Variants in ATP6V0A1 observed in about 807,000 individuals in gnomAD.
The protein encoded by ATP6V0A1 is V-type proton ATPase 116 kDa subunit a 1.
In ATP6V0A1, 43 loss-of-function variants were observed where a neutral mutation model predicts 105.4. The ratio of observed to expected loss-of-function variants is 0.41; its 90% CI spans 0.32 to 0.53. ATP6V0A1 has a LOEUF of 0.53. Ranked by LOEUF, ATP6V0A1 falls within the 20% of genes least tolerant of loss-of-function variation. The pLI, the probability that ATP6V0A1 is intolerant of heterozygous loss-of-function variation, is 0.30. For missense variants in ATP6V0A1, 676 were observed against 1,051.1 expected (o/e 0.64, Z 4.93); for synonymous variants, 362 against 372.8 (o/e 0.97, Z 0.33).
chr17:42,460,713 C>T, intron 1 of ATP6V0A1, 135 bp from the exon 2 acceptor site: 1 of 537,188 alleles, frequency 1.9e-6, no homozygotes, highest in Non-Finnish European at 3.4e-6. Flanking sequence ...TCTTTCTAGA[C>T]AGGGTGTCAA....
Position 42,478,467 on chromosome 17 carries a change from G to T in ATP6V0A1, c.511G>T (p.Val171Leu). 6.3e-7 allele frequency: 1 copy of T among 1,597,764 alleles called. No homozygotes were observed. The highest frequency in any genetic ancestry group is 1.1e-5 in the South Asian group (1 of 89,336). Residue 171 changes from valine to leucine, a missense_variant, in exon 7 of 22, where the codon GTG (valine) becomes TTG (leucine). By Grantham distance (32) the Val-to-Leu change is conservative. This residue lies in a region of ATP6V0A1 where 239 missense variants were observed against 388.4 expected (regional missense o/e 0.62). Coordinates refer to ENST00000343619, the MANE Select transcript of ATP6V0A1 (RefSeq NM_001130021.3). Reference protein sequence around the residue: ...GRGTPLRLGFVAGVINRERIP... With the variant: ...GRGTPLRLGFLAGVINRERIP... ...ATCTGCCTCTTCTCCCCACAGCTTCGTGGCTGGTGTCATTAACCGGGAGCG... is the reference window on the plus strand; with the variant it reads ...ATCTGCCTCTTCTCCCCACAGCTTCTTGGCTGGTGTCATTAACCGGGAGCG...
At chr17:42,461,752 A>G (rs1161155880) in intron 2 of ATP6V0A1, among the ~76,000 whole-genome samples, 1 of 152,230 alleles carries the variant, frequency 6.6e-6, no homozygotes, top group African/African-American at 2.4e-5. Flanking sequence ...CCTGGGCGAC[A>G]GAGCAAGACT....
At chr17:42,474,631 C>A (rs1247711618) in intron 5 of ATP6V0A1, among the ~76,000 whole-genome samples, 2 of 152,208 alleles carry the variant, frequency 1.3e-5, no homozygotes, top group Admixed American at 6.5e-5. Flanking sequence ...TTGGGACCCT[C>A]AAATGTTGGA....
Position 42,468,135 on chromosome 17 carries a change from G to T in ATP6V0A1, c.294+28G>T, listed in dbSNP as rs779504261. On this transcript the variant is annotated intron_variant, in intron 4 of 21. Transcript: ENST00000343619. ...AAACACTTCTGGGAAAACCAGAAAA[G>T]TTTCTTTCTACTTGAACGCAGAAAT... 21 of 1,470,908 alleles carry T rather than the reference G, an allele frequency of 1.4e-5. No homozygotes were observed. The African/African-American group carries it at 2.6e-4, about 18-fold the overall frequency. The allele number at this position is 1,470,908 out of a possible 1,614,324, so 91.1% of individuals were successfully genotyped here.
rs1489529015 is a variant in ATP6V0A1 at position 42,495,102 on chromosome 17, C to T, written c.1383C>T (p.Gly461=). The change falls in exon 13 of 22, where the codon GGC becomes GGT. Residue 461 remains glycine, a synonymous_variant. Transcript: ENST00000343619. ...TGGGTGTGTTCTCCATGTACACTGGCCTCATCTACAATGATTGCTTTTCCA... is the reference window on the plus strand; with the variant it reads ...TGGGTGTGTTCTCCATGTACACTGGTCTCATCTACAATGATTGCTTTTCCA... ...LLMGVFSMYT[G]LIYNDCFSKS... is the part of the protein sequence containing the mutation. 2.5e-6 allele frequency: 4 copies of T among 1,613,724 alleles called. No homozygotes were observed. In the Admixed American group the frequency reaches 5.0e-5, roughly 20 times the overall value.
At chr17:42,489,014 CAA>C (rs1177722638) in intron 10 of ATP6V0A1, among the ~76,000 whole-genome samples, 7 of 96,708 alleles carry the variant, frequency 7.2e-5, no homozygotes, top group Non-Finnish European at 1.3e-4. Flanking sequence ...GACTCTGTCT[CAA>C]AAAAAAAAAA....
At chr17:42,509,273 A>G (rs1289471570) in intron 19 of ATP6V0A1, among the ~76,000 whole-genome samples, 8 of 152,178 alleles carry the variant, frequency 5.3e-5, no homozygotes, top group Admixed American at 5.2e-4. Context: ...CTAACTGTTC[A>G]GGCCACATCT....
At chr17:42,487,992 GTTTC>G (rs2090274863) in intron 10 of ATP6V0A1, among the ~76,000 whole-genome samples, 1 of 152,168 alleles carries the variant, frequency 6.6e-6, no homozygotes, top group Non-Finnish European at 1.5e-5. Context: ...CAGGGCATCA[GTTTC>G]CTGATGCCCT....
intron 7 of ATP6V0A1, chr17:42,480,277 T>C: frequency 6.5e-6 from 1 of 153,652 alleles, no homozygotes; most frequent in Non-Finnish European, 1.4e-5. Context: ...ATTCAGCCCC[T>C]TTTATCTAAG....
chr17:42,514,573 T>C, intron 21 of ATP6V0A1, 113 bp downstream of exon 21: 1 of 1,161,272 alleles, frequency 8.6e-7, no homozygotes, highest in Non-Finnish European at 1.2e-6. Flanking sequence ...AAAGATGAGC[T>C]GGCCCTGCAC....
At chr17:42,505,409 T>C (rs2091954629) in intron 17 of ATP6V0A1, among the ~76,000 whole-genome samples, 1 of 151,420 alleles carries the variant, frequency 6.6e-6, no homozygotes, top group African/African-American at 2.5e-5. Flanking sequence ...TCTCACCATG[T>C]TGGCCAGGCT....
rs759834496 is a variant in ATP6V0A1, at chr17:42,468,083, C to T, written c.270C>T (p.Phe90=). The T allele has an allele frequency of 6.9e-6, 11 of 1,596,742 alleles. No homozygotes were observed. Among genetic ancestry groups the T allele is most frequent in the Non-Finnish European group, 8.5e-6 (10 of 1,170,796 alleles). ...MDTGENPEVP[F]PRDMIDLEAN... is the part of the protein sequence containing the mutation. ...CCGGTGAAAACCCAGAGGTTCCCTTCCCCCGGGACATGATTGACTTAGAGG... is the reference window on the plus strand; with the variant it reads ...CCGGTGAAAACCCAGAGGTTCCCTTTCCCCGGGACATGATTGACTTAGAGG... Residue 90 remains phenylalanine (F), a synonymous_variant, in exon 4 of 22, where the codon TTC becomes TTT. Coordinates refer to ENST00000343619, the MANE Select transcript of ATP6V0A1 (RefSeq NM_001130021.3).
chr17:42,501,371 A>G (rs565476817), intron 17 of ATP6V0A1, 67 bp downstream of exon 17: 1 of 1,132,410 alleles, frequency 8.8e-7, no homozygotes, highest in Non-Finnish European at 1.3e-6. Flanking sequence ...GCAATTCCCC[A>G]GTGGATATAA....
At chr17:42,518,471 C>T (rs556950708) in intron 21 of ATP6V0A1, 1 of 152,228 alleles carries the variant, frequency 6.6e-6, no homozygotes, top group African/African-American at 2.4e-5. Flanking sequence ...CTGAACGGCA[C>T]AGAGAGTGGC....
chr17:42,513,619 G>T, intron 19 of ATP6V0A1: 1 of 518,534 alleles, frequency 1.9e-6, no homozygotes, highest in Non-Finnish European at 3.5e-6. Context: ...ATGTATTGAG[G>T]GGAATGGAGG....
chr17:42,511,820 G>A (rs371433891), intron 19 of ATP6V0A1, among the ~76,000 whole-genome samples: 166 of 152,156 alleles, frequency 1.1e-3, no homozygotes, highest in African/African-American at 2.9e-3. Flanking sequence ...AAAATTAGCC[G>A]GGTGTGGTGG....
rs898144396 is a variant in ATP6V0A1, at chr17:42,498,603, G to A, written c.1561-321G>A. Among the ~76,000 whole-genome samples, 4 of 152,090 alleles carry A rather than the reference G, an allele frequency of 2.6e-5. 1 individual carries two copies. Among genetic ancestry groups the A allele is most frequent in the East Asian group, 1.9e-4 (1 of 5,186 alleles). On this transcript the variant is annotated intron_variant, in intron 14 of 21. Coordinates refer to ENST00000343619, the MANE Select transcript of ATP6V0A1 (RefSeq NM_001130021.3). ...AGCACTTTGGGAGGCTGAGGCGGGC[G>A]AATCACGAGGTCATGAATCGAGACC...
intron 1 of ATP6V0A1, chr17:42,460,301 C>T (rs1433692147): frequency 6.6e-6 from 1 of 152,158 alleles, no homozygotes; most frequent in Non-Finnish European, 1.5e-5. Context: ...ATATTGTTTT[C>T]TGAGGAATCT....
Position 42,487,387 on chromosome 17 carries a change from A to G in ATP6V0A1, c.1023+20A>G. ...GGCACGGTGAGTCCCCAAAGCTAAC[A>G]ATGCAGCTCGTGGCCCGGAAGAGAG... On this transcript the variant is annotated intron_variant, in intron 10 of 21. Coordinates refer to ENST00000343619, the MANE Select transcript of ATP6V0A1 (RefSeq NM_001130021.3). 6.2e-7 allele frequency: 1 copy of G among 1,610,496 alleles called. No individual in the cohort carries two copies. The highest frequency in any genetic ancestry group is 2.2e-5 in the East Asian group (1 of 44,860).
Sources: gnomAD v4.1 joint callset for allele counts (sites outside exome capture counted in the v4.1 genomes callset) on GRCh38, gnomAD v4.1.1 for gene constraint, gnomAD v4.1.1 regional missense constraint, MANE v1.5 for transcripts, NCBI Gene and HGNC (gene_info 2026-07-23, HGNC 2026-07-21) for gene names.